The following ADAMTS14 variants were observed in gnomAD, a reference collection of about 807,000 sequenced individuals.
ADAMTS14 encodes the protein ADAM metallopeptidase with thrombospondin type 1 motif 14.
ADAMTS14 carries 100 observed loss-of-function variants against 128.6 expected under a neutral mutation model. That is an observed-to-expected ratio of 0.78 (90% CI 0.66 to 0.92). ADAMTS14 has a LOEUF of 0.92. ADAMTS14 is among the 40% of genes least tolerant of loss of function. ADAMTS14 has a pLI of 0.00. For missense variants in ADAMTS14, 1,562 were observed against 1,658.6 expected, an observed-to-expected ratio of 0.94 and a Z score of 1.01; for synonymous variants, 665 against 653.8, an observed-to-expected ratio of 1.02 and a Z score of -0.26.
chr10:70,745,676 C>T (rs1324127861), intron 15 of ADAMTS14, among the ~76,000 whole-genome samples: 1 of 152,218 alleles, frequency 6.6e-6, no homozygotes, highest in Non-Finnish European at 1.5e-5. Context: ...ACACACCACT[C>T]CAAAACTTAG....
intron 2 of ADAMTS14, among the ~76,000 whole-genome samples, chr10:70,687,214 G>A (rs1375458567): frequency 4.7e-4 from 49 of 103,884 alleles, no homozygotes; most frequent in African/African-American, 1.3e-3. Context: ...CCTCCCGGAC[G>A]GGGCGGCTGG....
chr10:70,677,476 C>T (rs138372418), intron 2 of ADAMTS14, among the ~76,000 whole-genome samples: 1,810 of 152,226 alleles, frequency 0.012, 33 homozygotes, highest in African/African-American at 0.026. Context: ...TTGCTGAAGC[C>T]GGATCGGGTC....
At position 70,688,279 on chromosome 10, in the gene ADAMTS14, G is replaced by A. The variant is rs1356266855; in HGVS notation, c.522+13284G>A. On this transcript the variant is annotated intron_variant, in intron 2 of 21. Transcript: ENST00000373207. Reference sequence around the variant, plus strand: ...CACATCTCAGATGATGGGCGGCCGGGCAGAGAGGCTCCTCACTTCCTAGAT... The same window carrying A: ...CACATCTCAGATGATGGGCGGCCGGACAGAGAGGCTCCTCACTTCCTAGAT... Among the ~76,000 whole-genome samples the A allele has an allele frequency of 4.3e-3, 297 of 68,812 alleles. 1 individual carries two copies. Among genetic ancestry groups the A allele is most frequent in the African/African-American group, 0.015 (281 of 18,296 alleles). 45.1% of individuals were successfully genotyped at this position (68,812 alleles called of 152,430 possible). A position where few individuals can be genotyped will look rare whatever the true frequency, so the allele number is the denominator to read the frequency against.
At chr10:70,719,681 T>C (rs1841188861) in intron 4 of ADAMTS14, among the ~76,000 whole-genome samples, 1 of 152,212 alleles carries the variant, frequency 6.6e-6, no homozygotes, top group Non-Finnish European at 1.5e-5. Context: ...GTGCTGGTAT[T>C]ATAGGCATGA....
chr10:70,683,187 C>T (rs1159615339), intron 2 of ADAMTS14, among the ~76,000 whole-genome samples: 1 of 152,194 alleles, frequency 6.6e-6, no homozygotes, highest in African/African-American at 2.4e-5. Flanking sequence ...GCCGAGTGGG[C>T]GTGTAGGGGA....
chr10:70,708,831 A>G (rs879052712), intron 4 of ADAMTS14, 53 bp downstream of exon 4: 54 of 532,904 alleles, frequency 1.0e-4, no homozygotes, highest in South Asian at 3.2e-4. Context: ...GGTGGGCCCC[A>G]CCCCACCCCA....
In ADAMTS14 at chr10:70,708,692, G is replaced by A. The variant is rs1031540008; in HGVS notation, c.784G>A (p.Glu262Lys). The change falls in exon 4 of 22, where the codon GAG (glutamate) becomes AAG (lysine). Residue 262 changes from glutamate to lysine, a missense_variant. Transcript: ENST00000373207. The stretch of plus-strand genomic sequence containing the variant: ...TGCCAAGCCAGGCAGCTACAGCATC[G>A]AGGTGCTGCTGGTGGTGGACGACTC... Reference protein sequence around the residue: ...RHAKPGSYSIEVLLVVDDSVV... With the variant: ...RHAKPGSYSIKVLLVVDDSVV... The A allele has an allele frequency of 3.3e-5, 53 of 1,613,738 alleles. 1 individual carries two copies. In the Admixed American group the frequency reaches 3.5e-4, roughly 11 times the overall value.
chr10:70,694,158 C>T (rs1589270619), intron 2 of ADAMTS14, among the ~76,000 whole-genome samples: 1 of 152,242 alleles, frequency 6.6e-6, no homozygotes, highest in Non-Finnish European at 1.5e-5. Flanking sequence ...CGTCGGCAGG[C>T]TTTCATCCCA....
intron 11 of ADAMTS14, among the ~76,000 whole-genome samples, chr10:70,740,080 C>A (rs1441100911): frequency 6.6e-6 from 1 of 152,208 alleles, no homozygotes; most frequent in African/African-American, 2.4e-5. Flanking sequence ...TGTGTAATAA[C>A]AACTATTTTT....
intron 4 of ADAMTS14, among the ~76,000 whole-genome samples, chr10:70,717,005 C>T (rs1841075281): frequency 6.6e-6 from 1 of 152,208 alleles, no homozygotes; most frequent in Admixed American, 6.5e-5. Flanking sequence ...CTGTCTTTTT[C>T]TGTGCCTGTT....
chr10:70,753,717 T>A, intron 18 of ADAMTS14, 83 bp from the exon 19 acceptor site: 1 of 1,391,888 alleles, frequency 7.2e-7, no homozygotes, highest in Non-Finnish European at 9.6e-7. Flanking sequence ...GGCTCCTGCC[T>A]GCAGCTGTCT....
At position 70,762,343 on chromosome 10, in the gene ADAMTS14, C is replaced by T. The variant is rs955938322; in HGVS notation, c.*1490C>T. 3 of 152,294 alleles carry T rather than the reference C, an allele frequency of 2.0e-5. No individual in the cohort carries two copies. Among genetic ancestry groups the T allele is most frequent in the South Asian group, 2.1e-4 (1 of 4,832 alleles). 9.4% of individuals were successfully genotyped at this position (152,294 alleles called of 1,614,324 possible). Reference sequence around the variant, plus strand: ...TGCTGGGGCACACGCGGAGTCATTCCTGTGAGAACCAGCCTGGCCTGTGTT... The same window carrying T: ...TGCTGGGGCACACGCGGAGTCATTCTTGTGAGAACCAGCCTGGCCTGTGTT... On this transcript the variant is annotated 3_prime_UTR_variant, in exon 22 of 22. Transcript: ENST00000373207.
chr10:70,740,938 C>A, intron 11 of ADAMTS14, 49 bp from the exon 12 acceptor site: 1 of 1,595,176 alleles, frequency 6.3e-7, no homozygotes. Context: ...CTGGCCCTCC[C>A]CAGCCTTCCC....
chr10:70,672,892 CG>C lies in ADAMTS14; in HGVS notation c.82+11del. 6.8e-7 allele frequency: 1 copy of C among 1,464,796 alleles called. No homozygotes were observed. The highest frequency in any genetic ancestry group is 2.6e-5 in the Admixed American group (1 of 38,982). The allele number at this position is 1,464,796 out of a possible 1,614,324, so 90.7% of individuals were successfully genotyped here. A position where few individuals can be genotyped will look rare whatever the true frequency, so the allele number is the denominator to read the frequency against. ...CGGGCAGCCGGACCCCAGGTGCGTG[CG>C]GGTTGGGCGCGCGGGGGCCCGTGGG... is the stretch of plus-strand genomic sequence containing the variant. On this transcript the variant is annotated intron_variant, in intron 1 of 21. Transcript: ENST00000373207.
rs144292322 is a variant in ADAMTS14 at position 70,705,365 on chromosome 10, G to A, written c.679+2897G>A. ...TCCTGAGGACACTAATGGGGTATGT[G>A]CTCCTGCAGCCCGAGCTCGGGCTCT... On this transcript the variant is annotated intron_variant, in intron 3 of 21. Coordinates refer to ENST00000373207, the MANE Select transcript of ADAMTS14 (RefSeq NM_080722.4). 5.3e-4 allele frequency among the ~76,000 whole-genome samples: 81 copies of A among 152,310 alleles called. 1 individual carries two copies. The highest frequency in any genetic ancestry group is 1.0e-3 in the Non-Finnish European group (71 of 68,024).
chr10:70,695,247 A>G (rs993338379), intron 2 of ADAMTS14, among the ~76,000 whole-genome samples: 7 of 152,172 alleles, frequency 4.6e-5, no homozygotes, highest in Admixed American at 1.3e-4. Context: ...TATATTCCAG[A>G]TACAAGTCCC....
At chr10:70,721,422 A>G (rs1334570978) in intron 4 of ADAMTS14, among the ~76,000 whole-genome samples, 4 of 144,218 alleles carry the variant, frequency 2.8e-5, no homozygotes, top group Admixed American at 2.1e-4. Flanking sequence ...GTCTTGCTCT[A>G]TTGCCCAGGA....
chr10:70,749,113 C>T (rs1181189332), intron 15 of ADAMTS14, among the ~76,000 whole-genome samples: 6 of 152,274 alleles, frequency 3.9e-5, no homozygotes, highest in Non-Finnish European at 5.9e-5. Context: ...GCCAACAGGC[C>T]GCTGGGAGAG....
intron 2 of ADAMTS14, among the ~76,000 whole-genome samples, chr10:70,696,693 C>T (rs954217907): frequency 1.2e-4 from 19 of 152,058 alleles, no homozygotes; most frequent in African/African-American, 3.6e-4. Context: ...TTGGAGGTCC[C>T]GATGAAGTTT....
Sources: allele counts gnomAD v4.1 joint callset (sites outside exome capture counted in the v4.1 genomes callset), GRCh38; gene constraint gnomAD v4.1.1; transcripts MANE v1.5; gene names NCBI Gene and HGNC (gene_info 2026-07-23, HGNC 2026-07-21).